GLTP: variants seen among roughly 807,000 people sequenced by gnomAD.
GLTP encodes glycolipid transfer protein.
A neutral mutation model predicts 24.0 loss-of-function variants in GLTP; 22 were observed. That is an observed-to-expected ratio of 0.92 (90% confidence interval 0.65 to 1.31). The LOEUF (loss-of-function observed/expected upper bound fraction) is 1.31, where lower values mean the gene tolerates loss of function less well. GLTP is among the 50% of genes most tolerant of loss of function. The pLI is 0.00. For missense variants in GLTP, 224 were observed against 276.6 expected (o/e 0.81, Z 1.35); for synonymous variants, 92 against 115.9 (o/e 0.79, Z 1.33).
intron 1 of GLTP, among the ~76,000 whole-genome samples, chr12:109,865,434 C>T (rs1220091564): frequency 1.3e-5 from 2 of 152,108 alleles, no homozygotes; most frequent in African/African-American, 2.4e-5. Context: ...CAAGACCAGC[C>T]TGACCAACAT....
At chr12:109,863,536 G>A (rs1428001279) in intron 1 of GLTP, among the ~76,000 whole-genome samples, 1 of 152,208 alleles carries the variant, frequency 6.6e-6, no homozygotes, top group Non-Finnish European at 1.5e-5. Flanking sequence ...CGTGGAATCT[G>A]TCAGCGTATT....
In GLTP at chr12:109,857,352, A is replaced by T. The variant is rs1892812116; in HGVS notation, c.296+174T>A. 6.6e-6 allele frequency among the ~76,000 whole-genome samples: 1 copy of T among 152,188 alleles called. No individual in the cohort carries two copies. Among genetic ancestry groups the T allele is most frequent in the African/African-American group, 2.4e-5 (1 of 41,438 alleles). On this transcript the variant is annotated intron_variant, in intron 3 of 4. Coordinates refer to ENST00000318348, the MANE Select transcript of GLTP (RefSeq NM_016433.4). The surrounding 1 kb of genome is among the most constrained non-coding windows in gnomAD (Gnocchi z 4.3). ...GATGGGACTGGAACCAGGAAGCATC[A>T]CTGTCAGGCAAGCCCTGGCCATTGG...
chr12:109,857,097 T>C lies in GLTP; in HGVS notation c.296+429A>G, dbSNP rs12423752. ...CTTCTACCAAGAAACTGTCATAACA[T>C]ACAAATCCACTTTGTACGCGTGACC... On this transcript the variant is annotated intron_variant, in intron 3 of 4. Transcript: ENST00000318348. This position sits in a 1 kb window ranked among gnomAD's most constrained non-coding sequence, Gnocchi z 4.3. Among the ~76,000 whole-genome samples, 25,076 of 152,160 alleles carry C rather than the reference T, an allele frequency of 0.16. 2,772 individuals carry two copies. Among genetic ancestry groups the C allele is most frequent in the Admixed American group, 0.28 (4,226 of 15,288 alleles).
chr12:109,857,699 C>T lies in GLTP; in HGVS notation c.163-40G>A, dbSNP rs931803495. 1.9e-6 allele frequency: 3 copies of T among 1,612,058 alleles called. No individual in the cohort carries two copies. In the East Asian group the frequency reaches 6.7e-5, roughly 36 times the overall value. On this transcript the variant is annotated intron_variant, in intron 2 of 4. Transcript: ENST00000318348. The surrounding 1 kb of genome is among the most constrained non-coding windows in gnomAD (Gnocchi z 4.3). ...ACAAGATTTCCCCTTGGGTAAGCTG[C>T]CCCCATAGACATCTGGCCCGCACGC...
At chr12:109,877,243 T>C (rs1156742172) in intron 1 of GLTP, among the ~76,000 whole-genome samples, 1 of 152,244 alleles carries the variant, frequency 6.6e-6, no homozygotes, top group Non-Finnish European at 1.5e-5. Flanking sequence ...TTCAAAACTC[T>C]ACCTCAAATG....
At position 109,855,778 on chromosome 12, in the gene GLTP, C is replaced by G; in HGVS notation, c.297-9G>C. The G allele has an allele frequency of 6.3e-7, 1 of 1,577,490 alleles. No homozygotes were observed. Among genetic ancestry groups the G allele is most frequent in the Non-Finnish European group, 8.6e-7 (1 of 1,163,216 alleles). ...GGATGAAGCGGAGGCCTCTGTGGCC[C>G]AGGGAGGAGAAGGTTCGTTAGGACC... is the stretch of plus-strand genomic sequence containing the variant. On this transcript the variant is annotated splice_polypyrimidine_tract_variant and intron_variant, in intron 3 of 4. Transcript: ENST00000318348. The surrounding 1 kb of genome is among the most constrained non-coding windows in gnomAD (Gnocchi z 4.1).
rs553816414 is a variant in GLTP at position 109,864,547 on chromosome 12, C to T, written c.104-5806G>A. Among the ~76,000 whole-genome samples, 139 of 152,282 alleles carry T rather than the reference C, an allele frequency of 9.1e-4. 1 individual carries two copies. Among genetic ancestry groups the T allele is most frequent in the Middle Eastern group, 3.4e-3 (1 of 294 alleles). On this transcript the variant is annotated intron_variant, in intron 1 of 4. Transcript: ENST00000318348. ...CTGAAGCCTGTTTCAACATCACCCA[C>T]CCAAGGCTCTGGGCTTATGTTTGCC...
chr12:109,880,114 G>A lies in GLTP; in HGVS notation c.103+158C>T, dbSNP rs1319198948. ...GGACTTGGGAGTGGTCCGGGAAAGGGAGAATTTAGGGTGAGTGGAGGGAAA... is the reference window on the plus strand; with the variant it reads ...GGACTTGGGAGTGGTCCGGGAAAGGAAGAATTTAGGGTGAGTGGAGGGAAA... On this transcript the variant is annotated intron_variant, in intron 1 of 4. Coordinates refer to ENST00000318348, the MANE Select transcript of GLTP (RefSeq NM_016433.4). The surrounding 1 kb of genome is among the most constrained non-coding windows in gnomAD (Gnocchi z 5.1). Among the ~76,000 whole-genome samples the A allele has an allele frequency of 6.6e-6, 1 of 152,038 alleles. No homozygotes were observed. The highest frequency in any genetic ancestry group is 1.5e-5 in the Non-Finnish European group (1 of 68,002).
rs761657427 is a variant in GLTP at position 109,858,762 on chromosome 12, C to T, written c.104-21G>A. On this transcript the variant is annotated intron_variant, in intron 1 of 4. Transcript: ENST00000318348. ...GCAATCTGGGGACAAAATGAGAAGACAGATTGAGATTCGCAGCAAGAGTGA... is the reference window on the plus strand; with the variant it reads ...GCAATCTGGGGACAAAATGAGAAGATAGATTGAGATTCGCAGCAAGAGTGA... 6 of 1,558,338 alleles carry T rather than the reference C, an allele frequency of 3.9e-6. No individual in the cohort carries two copies. In the Admixed American group the frequency reaches 1.0e-4, roughly 26 times the overall value.
At chr12:109,854,660 G>C (rs1326910204) in intron 4 of GLTP, among the ~76,000 whole-genome samples, 1 of 152,214 alleles carries the variant, frequency 6.6e-6, no homozygotes, top group Non-Finnish European at 1.5e-5. Flanking sequence ...TTCATGGGCA[G>C]CTGCCCTGGG....
At chr12:109,871,394 C>G (rs2136048756) in intron 1 of GLTP, among the ~76,000 whole-genome samples, 1 of 152,202 alleles carries the variant, frequency 6.6e-6, no homozygotes, top group South Asian at 2.1e-4. Flanking sequence ...CCCAATATTT[C>G]CATTCTAAGA....
chr12:109,879,295 TGGAGAA>T (rs931533288), intron 1 of GLTP, among the ~76,000 whole-genome samples: 4 of 152,162 alleles, frequency 2.6e-5, no homozygotes, highest in African/African-American at 4.8e-5. Context: ...AGAGCCCACA[TGGAGAA>T]GGAGAATAGA....
chr12:109,867,155 TC>T (rs1229337228), intron 1 of GLTP, among the ~76,000 whole-genome samples: 1 of 151,840 alleles, frequency 6.6e-6, no homozygotes, highest in African/African-American at 2.4e-5. Flanking sequence ...TATTTATTAT[TC>T]TTTTTTTTTT....
At chr12:109,865,299 T>A (rs1868487507) in intron 1 of GLTP, among the ~76,000 whole-genome samples, 1 of 152,182 alleles carries the variant, frequency 6.6e-6, no homozygotes, top group Non-Finnish European at 1.5e-5. Flanking sequence ...TTTAAACATT[T>A]TTTATTTATT....
intron 1 of GLTP, among the ~76,000 whole-genome samples, chr12:109,859,242 T>C (rs1345695411): frequency 1.3e-5 from 2 of 152,080 alleles, no homozygotes; most frequent in African/African-American, 2.4e-5. Flanking sequence ...ATTTTTGGCC[T>C]GGTGCAGTGG....
At chr12:109,858,657 C>T in intron 2 of GLTP, 26 bp downstream of exon 2, 2 of 1,589,888 alleles carry the variant, frequency 1.3e-6, no homozygotes, top group South Asian at 1.1e-5. Context: ...AAGTCTTGGG[C>T]TGTGGCTGCC....
intron 1 of GLTP, among the ~76,000 whole-genome samples, chr12:109,868,674 A>G (rs1453168344): frequency 6.6e-6 from 1 of 152,214 alleles, no homozygotes; most frequent in Non-Finnish European, 1.5e-5. Context: ...TCGTGATGCT[A>G]CAAGCCTGGT....
intron 1 of GLTP, among the ~76,000 whole-genome samples, chr12:109,873,263 G>A (rs555671152): frequency 3.3e-5 from 5 of 152,228 alleles, no homozygotes; most frequent in Admixed American, 2.6e-4. Context: ...TGTTGCAGTG[G>A]GGGAGCTTCT....
At position 109,855,517 on chromosome 12, in the gene GLTP, A is replaced by G. The variant is rs1945820676; in HGVS notation, c.447+102T>C. The G allele has an allele frequency of 4.6e-6, 5 of 1,076,982 alleles. No homozygotes were observed. The highest frequency in any genetic ancestry group is 5.3e-6 in the Non-Finnish European group (4 of 755,910). The allele number at this position is 1,076,982 out of a possible 1,614,324, so 66.7% of individuals were successfully genotyped here. On this transcript the variant is annotated intron_variant, in intron 4 of 4. Coordinates refer to ENST00000318348, the MANE Select transcript of GLTP (RefSeq NM_016433.4). The surrounding 1 kb of genome is among the most constrained non-coding windows in gnomAD (Gnocchi z 4.1). ...GAGCCCTTCCTGAGCCCGAGGGGGT[A>G]AACACAGCCTCACAGGCCAGGAGGC...
Sources: allele counts gnomAD v4.1 joint callset (sites outside exome capture counted in the v4.1 genomes callset), GRCh38; gene constraint gnomAD v4.1.1; non-coding constraint Gnocchi (gnomAD v3.1); transcripts MANE v1.5; gene names NCBI Gene and HGNC (gene_info 2026-07-23, HGNC 2026-07-21).